The following TENM1 variants were observed in gnomAD, a reference collection of about 807,000 sequenced individuals.
TENM1 encodes the protein teneurin transmembrane protein 1, also known as teneurin-1.
A neutral mutation model predicts 174.8 loss-of-function variants in TENM1; 35 were observed. That is an observed-to-expected ratio of 0.20 (90% confidence interval 0.15 to 0.27). The LOEUF (loss-of-function observed/expected upper bound fraction) is 0.27. TENM1 is among the 10% of genes least tolerant of loss of function. TENM1 has a pLI of 1.00. For missense variants in TENM1, 1,633 were observed against 2,130.1 expected (o/e 0.77, Z 4.59); for synonymous variants, 781 against 798.7 (o/e 0.98, Z 0.37).
chrX:124,629,804 C>T (rs61159789), intron 11 of TENM1, among the ~76,000 whole-genome samples: 1,159 of 111,952 alleles, frequency 0.01, 7 homozygotes, highest in African/African-American at 0.035. Context: ...GGATCCTTCC[C>T]CATATATGCT....
chrX:124,740,469 A>C (rs1439970336), intron 3 of TENM1, among the ~76,000 whole-genome samples: 1 of 111,768 alleles, frequency 8.9e-6, no homozygotes, highest in African/African-American at 3.3e-5. Flanking sequence ...GGCTTTGTCT[A>C]GTCATTTAGA....
At chrX:124,561,223 A>G (rs991960778) in intron 14 of TENM1, among the ~76,000 whole-genome samples, 2 of 111,558 alleles carry the variant, frequency 1.8e-5, no homozygotes, top group Non-Finnish European at 3.8e-5. Flanking sequence ...ATTTAATTTG[A>G]TATGATAAAT....
At chrX:124,758,348 T>C (rs1159636599) in intron 3 of TENM1, among the ~76,000 whole-genome samples, 1 of 111,539 alleles carries the variant, frequency 9.0e-6, no homozygotes, top group East Asian at 2.8e-4. Context: ...TATTATCTTA[T>C]ACCCATTAGG....
At chrX:124,949,165 G>C (rs2058445422) in intron 1 of TENM1, among the ~76,000 whole-genome samples, 1 of 110,707 alleles carries the variant, frequency 9.0e-6, no homozygotes, top group African/African-American at 3.3e-5. Flanking sequence ...CTCTGAAAAT[G>C]GCTGAAACTG....
At chrX:125,082,473 C>T in the TENM1 span, among the ~76,000 whole-genome samples, 1 of 111,245 alleles carries the variant, frequency 9.0e-6, no homozygotes, top group Non-Finnish European at 1.9e-5. Context: ...CCTCCTATTG[C>T]TAAAGTCCAA....
rs1030423967 is a variant in TENM1, at chrX:124,735,665, G to A, written c.776+1292C>T. Among the ~76,000 whole-genome samples, 5 of 111,421 alleles carry A rather than the reference G, an allele frequency of 4.5e-5. No homozygotes were observed. The East Asian group carries it at 1.4e-3, about 31-fold the overall frequency. On this transcript the variant is annotated intron_variant, in intron 4 of 31. Coordinates refer to ENST00000422452, the Ensembl canonical transcript of TENM1. Reference sequence around the variant, plus strand: ...GTTTATCACAGCACAATACACAAGAGCAAAATCATGGAATCAACCTAAGTG... The same window carrying A: ...GTTTATCACAGCACAATACACAAGAACAAAATCATGGAATCAACCTAAGTG...
chrX:124,955,444 A>G (rs2058557138), intron 1 of TENM1, among the ~76,000 whole-genome samples: 1 of 111,247 alleles, frequency 9.0e-6, no homozygotes, highest in South Asian at 3.8e-4. Flanking sequence ...TATTAGTTAC[A>G]TCTTCCTGCT....
the TENM1 span, among the ~76,000 whole-genome samples, chrX:125,131,414 T>C: frequency 8.9e-6 from 1 of 112,146 alleles, no homozygotes; most frequent in East Asian, 2.8e-4. Context: ...ATTCCAGATC[T>C]CAAAATGTGG....
the TENM1 span, among the ~76,000 whole-genome samples, chrX:125,072,571 T>C: frequency 3.6e-5 from 4 of 111,785 alleles, no homozygotes; most frequent in Admixed American, 2.9e-4. Flanking sequence ...GGTTTGGGAC[T>C]ATAATACTCA....
intron 11 of TENM1, among the ~76,000 whole-genome samples, chrX:124,583,786 G>C (rs770590458): frequency 0.01 from 1,115 of 109,934 alleles, 10 homozygotes; most frequent in African/African-American, 0.035. Context: ...TGAAAACTTT[G>C]AAAAAAATTT....
intron 3 of TENM1, among the ~76,000 whole-genome samples, chrX:124,861,124 C>T (rs952323463): frequency 1.8e-5 from 2 of 111,931 alleles, no homozygotes; most frequent in Admixed American, 9.5e-5. Context: ...CTATAACATC[C>T]AGAAATAAAA....
intron 15 of TENM1, among the ~76,000 whole-genome samples, chrX:124,539,153 A>C (rs1487275737): frequency 1.8e-5 from 2 of 111,804 alleles, no homozygotes; most frequent in Non-Finnish European, 3.8e-5. Context: ...ATGTCACAGA[A>C]TTTTGATTCA....
the TENM1 span, among the ~76,000 whole-genome samples, chrX:125,060,183 A>T: frequency 0.023 from 1,180 of 51,096 alleles, 10 homozygotes; most frequent in African/African-American, 0.068. Context: ...TCTCTCTCTC[A>T]CACACACACA....
the TENM1 span, among the ~76,000 whole-genome samples, chrX:124,986,517 C>G: frequency 8.9e-6 from 1 of 112,186 alleles, no homozygotes; most frequent in African/African-American, 3.2e-5. Context: ...TAGAACCAAT[C>G]ATATTATTTG....
intron 6 of TENM1, among the ~76,000 whole-genome samples, chrX:124,656,322 G>T: frequency 8.9e-6 from 1 of 112,137 alleles, no homozygotes; most frequent in East Asian, 2.8e-4. Flanking sequence ...TAAATCAAAA[G>T]AAAGGAAGTT....
rs370983092 is a variant in TENM1 at position 124,420,870 on chromosome X, A to G, written c.4472-49T>C. 1.4e-5 allele frequency: 15 copies of G among 1,097,931 alleles called. No homozygotes were observed. In the African/African-American group the frequency reaches 2.7e-4, roughly 20 times the overall value. 90.5% of individuals were successfully genotyped at this position (1,097,931 alleles called of 1,213,427 possible). A position where few individuals can be genotyped will look rare whatever the true frequency, so the allele number is the denominator to read the frequency against. ...AACAATTGGCATCATAAGCATTTAC[A>G]TGAACATACCACAGACATAAAGCTC... On this transcript the variant is annotated intron_variant, in intron 24 of 31. Transcript: ENST00000422452.
intron 3 of TENM1, among the ~76,000 whole-genome samples, chrX:124,796,868 T>A: frequency 9.0e-6 from 1 of 111,677 alleles, no homozygotes; most frequent in Non-Finnish European, 1.9e-5. Context: ...TAATTATATA[T>A]AACTGAATTT....
intron 29 of TENM1, 21 bp downstream of exon 32, chrX:124,385,656 C>T: frequency 1.7e-6 from 2 of 1,173,925 alleles, no homozygotes; most frequent in South Asian, 3.9e-5. Context: ...TTGTACACAC[C>T]ACCACTCTTT....
chrX:124,769,631 T>C (rs1310675523), intron 3 of TENM1, among the ~76,000 whole-genome samples: 1 of 112,317 alleles, frequency 8.9e-6, no homozygotes, highest in Non-Finnish European at 1.9e-5. Flanking sequence ...TGAGTTCATC[T>C]GGTGTCAGTA....
Sources: gnomAD v4.1 joint callset for allele counts (sites outside exome capture counted in the v4.1 genomes callset) on GRCh38, gnomAD v4.1.1 for gene constraint, MANE v1.5 for transcripts, NCBI Gene and HGNC (gene_info 2026-07-23, HGNC 2026-07-21) for gene names.